The following GID4 variants were observed in gnomAD, a reference collection of about 807,000 sequenced individuals.
The protein encoded by GID4 is GID complex subunit 4 homolog, also known as glucose-induced degradation protein 4 homolog.
In GID4, 7 loss-of-function variants were observed where a neutral mutation model predicts 32.4. The observed-to-expected ratio is 0.22, with a 90% confidence interval of 0.12 to 0.41. The LOEUF is 0.41. Ranked by LOEUF, GID4 falls within the 10% of genes least tolerant of loss-of-function variation. The pLI, the probability that GID4 is intolerant of heterozygous loss-of-function variation, is 1.00. For missense variants in GID4, 309 were observed against 400.0 expected, an observed-to-expected ratio of 0.77 and a Z score of 1.94; for synonymous variants, 166 against 170.0, an observed-to-expected ratio of 0.98 and a Z score of 0.18.
intron 4 of GID4, among the ~76,000 whole-genome samples, chr17:18,059,399 G>A (rs1028850713): frequency 1.3e-5 from 2 of 152,060 alleles, no homozygotes; most frequent in East Asian, 1.9e-4. Flanking sequence ...AACACCATCC[G>A]TGGGCCAGGT....
chr17:18,048,685 C>T (rs1432278894), intron 2 of GID4, among the ~76,000 whole-genome samples: 2 of 151,760 alleles, frequency 1.3e-5, no homozygotes, highest in African/African-American at 2.4e-5. Context: ...CTCTGTCACC[C>T]GGGCTGGAGT....
intron 4 of GID4, among the ~76,000 whole-genome samples, chr17:18,060,979 C>A (rs2045013491): frequency 6.6e-6 from 1 of 152,178 alleles, no homozygotes; most frequent in South Asian, 2.1e-4. Context: ...AGGTGATCCA[C>A]CCACCTCAGC....
intron 1 of GID4, among the ~76,000 whole-genome samples, chr17:18,043,115 G>A (rs953565718): frequency 6.6e-6 from 1 of 152,164 alleles, no homozygotes; most frequent in Non-Finnish European, 1.5e-5. Context: ...AAGAACAGCC[G>A]TTGGACACAG....
intron 3 of GID4, chr17:18,057,143 T>G: frequency 3.8e-6 from 5 of 1,329,534 alleles, no homozygotes; most frequent in Non-Finnish European, 5.0e-6. Flanking sequence ...TAAAAATGTC[T>G]ATGTGACACC....
At chr17:18,057,838 G>GA (rs2145568800) in intron 3 of GID4, among the ~76,000 whole-genome samples, 1 of 151,890 alleles carries the variant, frequency 6.6e-6, no homozygotes, top group Non-Finnish European at 1.5e-5. Flanking sequence ...ATGATGTATA[G>GA]ATTTTTTTTT....
intron 3 of GID4, chr17:18,056,661 A>T: frequency 6.5e-7 from 1 of 1,533,700 alleles, no homozygotes; most frequent in Non-Finnish European, 8.8e-7. Context: ...CAAATTAAAT[A>T]CTTGGAAAGC....
intron 2 of GID4, among the ~76,000 whole-genome samples, chr17:18,049,391 C>T (rs2145557634): frequency 6.7e-6 from 1 of 149,320 alleles, no homozygotes; most frequent in African/African-American, 2.5e-5. Flanking sequence ...AGCTAAATGG[C>T]CTCTTAGCTA....
chr17:18,059,166 G>A (rs2044997133), intron 4 of GID4, among the ~76,000 whole-genome samples, 197 bp downstream of exon 4: 1 of 152,300 alleles, frequency 6.6e-6, no homozygotes, highest in African/African-American at 2.4e-5. Context: ...GTTAACTGCC[G>A]ATGTCCCAGA....
At chr17:18,046,750 C>T (rs1409592799) in intron 2 of GID4, among the ~76,000 whole-genome samples, 1 of 151,924 alleles carries the variant, frequency 6.6e-6, no homozygotes, top group Non-Finnish European at 1.5e-5. Context: ...GGTGAAACCC[C>T]ATCTTTACTA....
chr17:18,055,060 A>AC (rs1474125241), intron 3 of GID4, among the ~76,000 whole-genome samples: 1 of 151,070 alleles, frequency 6.6e-6, no homozygotes, highest in African/African-American at 2.4e-5. Context: ...AGTCCCAGCT[A>AC]CTCTGGAGGC....
chr17:18,061,785 G>A lies in GID4; in HGVS notation c.709-60G>A. ...TTAGAACCCCCTGATGCTTAACAGG[G>A]AGGCCCCGTGGGTGGTCAGAGAATG... On this transcript the variant is annotated intron_variant, in intron 4 of 5. Transcript: ENST00000268719. The surrounding 1 kb of genome is among the most constrained non-coding windows in gnomAD (Gnocchi z 4.4). 6.4e-7 allele frequency: 1 copy of A among 1,559,610 alleles called. No individual in the cohort carries two copies. The highest frequency in any genetic ancestry group is 8.8e-7 in the Non-Finnish European group (1 of 1,132,468).
chr17:18,047,393 G>A (rs2044864956), intron 2 of GID4, among the ~76,000 whole-genome samples: 1 of 152,232 alleles, frequency 6.6e-6, no homozygotes, highest in African/African-American at 2.4e-5. Flanking sequence ...TGTTAACGCT[G>A]ACTCCAAAAC....
intron 1 of GID4, among the ~76,000 whole-genome samples, chr17:18,043,268 GAC>G (rs2044820885): frequency 6.6e-6 from 1 of 152,236 alleles, no homozygotes; most frequent in Non-Finnish European, 1.5e-5. Flanking sequence ...AGAGTAGAGA[GAC>G]GCTTGGTTGA....
At chr17:18,056,656 T>C in intron 3 of GID4, 2 of 1,532,312 alleles carry the variant, frequency 1.3e-6, no homozygotes, top group Non-Finnish European at 1.8e-6. Flanking sequence ...GACTACAAAT[T>C]AAATACTTGG....
chr17:18,053,505 C>T (rs1442702823), intron 2 of GID4, among the ~76,000 whole-genome samples: 1 of 151,900 alleles, frequency 6.6e-6, no homozygotes, highest in Non-Finnish European at 1.5e-5. Flanking sequence ...CCCAACTACT[C>T]GGGAGGCTGA....
chr17:18,052,954 A>G (rs372327069), intron 2 of GID4, among the ~76,000 whole-genome samples: 3 of 150,384 alleles, frequency 2.0e-5, no homozygotes, highest in African/African-American at 4.9e-5. Context: ...GACCATTTGT[A>G]TAGTTCATTA....
intron 2 of GID4, among the ~76,000 whole-genome samples, chr17:18,053,653 C>G (rs1466469197): frequency 6.6e-6 from 1 of 151,988 alleles, no homozygotes; most frequent in Non-Finnish European, 1.5e-5. Flanking sequence ...CAGAATCCAC[C>G]CTGGAACCTT....
chr17:18,054,842 T>C (rs2044949538), intron 3 of GID4, among the ~76,000 whole-genome samples: 1 of 152,264 alleles, frequency 6.6e-6, no homozygotes, highest in East Asian at 1.9e-4. Context: ...CCTGGGATCT[T>C]TTCATTTGTT....
chr17:18,061,271 C>T lies in GID4; in HGVS notation c.709-574C>T, dbSNP rs958360388. Among the ~76,000 whole-genome samples, 5 of 152,148 alleles carry T rather than the reference C, an allele frequency of 3.3e-5. No homozygotes were observed. Among genetic ancestry groups the T allele is most frequent in the African/African-American group, 1.2e-4 (5 of 41,428 alleles). On this transcript the variant is annotated intron_variant, in intron 4 of 5. Transcript: ENST00000268719. The surrounding 1 kb of genome is among the most constrained non-coding windows in gnomAD (Gnocchi z 4.4). ...CAGCTTTCAGCTCCAGCAGAGGTGG[C>T]AAGCTTGCCTCTCTCCTAAGGTCCC...
Sources: allele counts gnomAD v4.1 joint callset (sites outside exome capture counted in the v4.1 genomes callset), GRCh38; gene constraint gnomAD v4.1.1; non-coding constraint Gnocchi (gnomAD v3.1); transcripts MANE v1.5; gene names NCBI Gene and HGNC (gene_info 2026-07-23, HGNC 2026-07-21).